Variants in AGBL4 observed in about 807,000 individuals in gnomAD.
AGBL4 encodes cytosolic carboxypeptidase 6.
AGBL4 carries 58 observed loss-of-function variants against 66.4 expected under a neutral mutation model. The ratio of observed to expected loss-of-function variants is 0.87; its 90% CI spans 0.71 to 1.09. The LOEUF is 1.09. AGBL4 is among the 50% of genes least tolerant of loss of function. The pLI is 0.00. For missense variants in AGBL4, 579 were observed against 631.0 expected (o/e 0.92, Z 0.88); for synonymous variants, 234 against 222.9 (o/e 1.05, Z -0.44).
At chr1:49,526,597 G>T (rs563312768) in intron 3 of AGBL4, among the ~76,000 whole-genome samples, 26 of 152,086 alleles carry the variant, frequency 1.7e-4, no homozygotes, top group African/African-American at 6.0e-4. Flanking sequence ...GTCTCCAGTG[G>T]CTTTGCATCC....
intron 2 of AGBL4, among the ~76,000 whole-genome samples, chr1:49,816,925 G>A (rs1233142104): frequency 6.6e-6 from 1 of 152,140 alleles, no homozygotes; most frequent in Non-Finnish European, 1.5e-5. Context: ...GGTGAGAGCT[G>A]CTCACAAAAT....
intron 1 of AGBL4, among the ~76,000 whole-genome samples, chr1:49,979,433 A>T (rs564819737): frequency 1.8e-4 from 27 of 151,806 alleles, no homozygotes; most frequent in African/African-American, 5.1e-4. Context: ...TGCAGTCCGC[A>T]GTCCGGCCTG....
intron 2 of AGBL4, among the ~76,000 whole-genome samples, chr1:49,712,982 A>C (rs1174583106): frequency 6.6e-6 from 1 of 152,096 alleles, no homozygotes; most frequent in Non-Finnish European, 1.5e-5. Context: ...GTAGTAGCAT[A>C]CATTCAGAAG....
chr1:49,185,332 A>G (rs1646997130), intron 4 of AGBL4, among the ~76,000 whole-genome samples: 1 of 152,210 alleles, frequency 6.6e-6, no homozygotes, highest in South Asian at 2.1e-4. Flanking sequence ...CTACAAGCAA[A>G]GCATCACAAC....
chr1:48,527,490 A>G, the AGBL4 span, among the ~76,000 whole-genome samples: 1 of 151,776 alleles, frequency 6.6e-6, no homozygotes, highest in Admixed American at 6.6e-5. Flanking sequence ...CCAGCTACTC[A>G]GGACGCTGAG....
chr1:48,608,431 G>A (rs921338087), intron 9 of AGBL4, among the ~76,000 whole-genome samples: 8 of 152,164 alleles, frequency 5.3e-5, no homozygotes, highest in African/African-American at 1.9e-4. Flanking sequence ...TGCATGGTGA[G>A]GGGTGGTCTA....
intron 4 of AGBL4, among the ~76,000 whole-genome samples, chr1:49,059,543 T>G (rs753537839): frequency 3.9e-5 from 6 of 152,252 alleles, no homozygotes; most frequent in Non-Finnish European, 7.3e-5. Flanking sequence ...ACTGGGGCAC[T>G]GCCTAGTGGA....
intron 1 of AGBL4, 90 bp downstream of exon 1, chr1:50,023,673 G>C: frequency 6.9e-7 from 1 of 1,442,878 alleles, no homozygotes; most frequent in South Asian, 1.4e-5. Context: ...CGCCTCCTCA[G>C]GAGTAGGACC....
intron 9 of AGBL4, among the ~76,000 whole-genome samples, chr1:48,605,852 A>C (rs1170872979): frequency 6.6e-6 from 1 of 152,226 alleles, no homozygotes; most frequent in African/African-American, 2.4e-5. Context: ...CAACGGGTAA[A>C]AAATTCTTCC....
At chr1:49,618,760 A>C (rs2124284338) in intron 3 of AGBL4, among the ~76,000 whole-genome samples, 1 of 152,332 alleles carries the variant, frequency 6.6e-6, no homozygotes, top group East Asian at 1.9e-4. Flanking sequence ...CACATCAAAA[A>C]GTTTATCCAC....
chr1:48,923,099 AT>A (rs970690340), intron 5 of AGBL4, among the ~76,000 whole-genome samples: 2 of 150,836 alleles, frequency 1.3e-5, no homozygotes, highest in African/African-American at 2.4e-5. Context: ...ATTAAAAAAA[AT>A]ATATAAAATA....
intron 5 of AGBL4, among the ~76,000 whole-genome samples, chr1:48,915,071 T>A (rs1413417464): frequency 3.3e-5 from 5 of 152,352 alleles, no homozygotes; most frequent in Admixed American, 3.3e-4. Context: ...TTTTCTGTTT[T>A]ACTTATTTGT....
At chr1:49,067,502 C>A (rs1017842498) in intron 4 of AGBL4, among the ~76,000 whole-genome samples, 1 of 152,122 alleles carries the variant, frequency 6.6e-6, no homozygotes, top group Non-Finnish European at 1.5e-5. Context: ...TATTCCTATT[C>A]TATTGCCTTT....
chr1:49,809,510 G>A (rs1645052613), intron 2 of AGBL4, among the ~76,000 whole-genome samples: 1 of 152,026 alleles, frequency 6.6e-6, no homozygotes, highest in African/African-American at 2.4e-5. Context: ...AGTATAAAAG[G>A]AGCATTGCAA....
intron 3 of AGBL4, among the ~76,000 whole-genome samples, chr1:49,437,300 G>T (rs1451831830): frequency 1.3e-5 from 2 of 152,138 alleles, no homozygotes; most frequent in East Asian, 3.9e-4. Context: ...TTTAAATCAA[G>T]AAAATAGAGC....
At chr1:49,641,370 G>A (rs766640596) in intron 3 of AGBL4, among the ~76,000 whole-genome samples, 1 of 152,032 alleles carries the variant, frequency 6.6e-6, no homozygotes, top group Non-Finnish European at 1.5e-5. Context: ...TCAGGGGTTT[G>A]TACAGTCATT....
intron 3 of AGBL4, among the ~76,000 whole-genome samples, chr1:49,356,436 G>A (rs1015868855): frequency 6.6e-6 from 1 of 152,176 alleles, no homozygotes; most frequent in Middle Eastern, 3.2e-3. Context: ...CTGATTTGTA[G>A]ATGTGTTTCC....
chr1:48,736,479 T>C lies in AGBL4; in HGVS notation c.635-73238A>G. On this transcript the variant is annotated intron_variant, in intron 6 of 13. Coordinates refer to ENST00000371839, the MANE Select transcript of AGBL4 (RefSeq NM_032785.4). The surrounding 1 kb of genome is among the most constrained non-coding windows in gnomAD (Gnocchi z 4.0). ...TGAGAGGAATAAGAACACCAGCACC[T>C]GTTTAGTCCGACAGGAGGGCAGTGG... The C allele has an allele frequency of 6.2e-7, 1 of 1,603,518 alleles. No individual in the cohort carries two copies. Among genetic ancestry groups the C allele is most frequent in the Non-Finnish European group, 8.5e-7 (1 of 1,170,932 alleles).
chr1:49,140,774 C>A (rs12403773), intron 4 of AGBL4, among the ~76,000 whole-genome samples: 65,722 of 152,076 alleles, frequency 0.43, 16,812 homozygotes, highest in Non-Finnish European at 0.58. Context: ...TGACATGTAT[C>A]CAGATCTTTT....
Sources: allele counts gnomAD v4.1 joint callset (sites outside exome capture counted in the v4.1 genomes callset), GRCh38; gene constraint gnomAD v4.1.1; non-coding constraint Gnocchi (gnomAD v3.1); transcripts MANE v1.5; gene names NCBI Gene and HGNC (gene_info 2026-07-23, HGNC 2026-07-21).